STRIP1: variants seen among roughly 807,000 people sequenced by gnomAD.
STRIP1 encodes the protein striatin-interacting protein 1.
A neutral mutation model predicts 106.2 loss-of-function variants in STRIP1; 63 were observed. The observed-to-expected ratio is 0.59, with a 90% CI of 0.48 to 0.73. The LOEUF (loss-of-function observed/expected upper bound fraction) is 0.73. Ranked by LOEUF, STRIP1 falls within the 30% of genes least tolerant of loss-of-function variation. STRIP1 has a pLI of 0.00. For missense variants in STRIP1, 857 were observed against 1,074.8 expected, an observed-to-expected ratio of 0.80 and a Z score of 2.83; for synonymous variants, 390 against 413.0, an observed-to-expected ratio of 0.94 and a Z score of 0.67.
At chr1:110,050,002 G>A (rs779762953) in intron 17 of STRIP1, 11 of 374,390 alleles carry the variant, frequency 2.9e-5, no homozygotes, top group African/African-American at 8.3e-5. Flanking sequence ...ACAGGGCGCC[G>A]GCCAGACCCT....
upstream of STRIP1, chr1:110,031,765 A>C (rs924053937): frequency 2.6e-5 from 4 of 152,168 alleles, no homozygotes; most frequent in African/African-American, 9.7e-5. Flanking sequence ...AAGTTAGAGT[A>C]GTGAGCTCTC....
At chr1:110,049,659 C>A in intron 17 of STRIP1, 99 bp downstream of exon 17, 1 of 802,958 alleles carries the variant, frequency 1.2e-6, no homozygotes, top group Non-Finnish European at 2.1e-6. Context: ...CACCTACGAG[C>A]CAGCACTGTG....
At position 110,049,032 on chromosome 1, in the gene STRIP1, C is replaced by T. The variant is rs184292409; in HGVS notation, c.1662-80C>T. On this transcript the variant is annotated intron_variant, in intron 15 of 20. Transcript: ENST00000369795. ...TAGGAGTCTTTGCCCAGGGAGGCTC[C>T]GGAGTCCATCTTTTCTGTGGGCACC... 2.6e-3 allele frequency: 4,069 copies of T among 1,565,140 alleles called. 81 individuals carry two copies. Among genetic ancestry groups the T allele is most frequent in the East Asian group, 8.7e-3 (385 of 44,334 alleles).
rs1003970651 is a variant in STRIP1, at chr1:110,046,618, G to A, written c.1417-62G>A. The stretch of plus-strand genomic sequence containing the variant: ...ACAAATGTGTGGGGATTTTGCTAGA[G>A]TGCAGGGAGTTTGGCCAGAGAATGT... On this transcript the variant is annotated intron_variant, in intron 12 of 20. Transcript: ENST00000369795. 3.9e-5 allele frequency: 57 copies of A among 1,457,970 alleles called. No individual in the cohort carries two copies. The Admixed American group carries it at 9.5e-4, about 24-fold the overall frequency. 90.3% of individuals were successfully genotyped at this position (1,457,970 alleles called of 1,614,324 possible).
rs970363419 is a variant in STRIP1 at position 110,050,952 on chromosome 1, G to A, written c.1957-4G>A. 8 of 1,569,768 alleles carry A rather than the reference G, an allele frequency of 5.1e-6. No individual in the cohort carries two copies. The highest frequency in any genetic ancestry group is 7.0e-6 in the Non-Finnish European group (8 of 1,139,534). On this transcript the variant is annotated splice_polypyrimidine_tract_variant and splice_region_variant and intron_variant, in intron 18 of 20. Transcript: ENST00000369795. ...GGCTGATTGTTCCTGGGTTTACCCT[G>A]CAGGAAGCAGGTGACAGTAACCAAT...
At chr1:110,053,052 G>A (rs1653376254) in intron 20 of STRIP1, among the ~76,000 whole-genome samples, 1 of 152,160 alleles carries the variant, frequency 6.6e-6, no homozygotes, top group Admixed American at 6.5e-5. Flanking sequence ...GTTACGGGCT[G>A]TCAGTCCAGC....
chr1:110,044,951 T>C, intron 11 of STRIP1, 46 bp downstream of exon 11: 1 of 1,613,626 alleles, frequency 6.2e-7, no homozygotes, highest in Non-Finnish European at 8.5e-7. Flanking sequence ...TCCCGGCCTT[T>C]GGTGTTTGGG....
intron 17 of STRIP1, 156 bp downstream of exon 17, chr1:110,049,716 G>T: frequency 1.7e-6 from 1 of 603,674 alleles, no homozygotes; most frequent in East Asian, 2.8e-5. Flanking sequence ...CTCTGCCTGT[G>T]GAGAGCCCAC....
intron 2 of STRIP1, 101 bp downstream of exon 2, chr1:110,038,061 A>G: frequency 2.9e-6 from 1 of 342,662 alleles, no homozygotes. Flanking sequence ...TGCTTTCCCT[A>G]GTTCTATCAA....
Position 110,053,955 on chromosome 1 carries a change from G to A in STRIP1, c.*43G>A. Reference sequence around the variant, plus strand: ...CTGAAATGGAGAGAAAAGATGATCTGAAGGTACCTGTGGGACTGTCCTAGT... The same window carrying A: ...CTGAAATGGAGAGAAAAGATGATCTAAAGGTACCTGTGGGACTGTCCTAGT... On this transcript the variant is annotated 3_prime_UTR_variant, in exon 21 of 21. Coordinates refer to ENST00000369795, the MANE Select transcript of STRIP1 (RefSeq NM_033088.4). The A allele has an allele frequency of 6.2e-7, 1 of 1,608,176 alleles. No homozygotes were observed. The highest frequency in any genetic ancestry group is 1.1e-5 in the South Asian group (1 of 90,444).
chr1:110,046,607 A>T (rs112345570), intron 12 of STRIP1, 73 bp from the exon 13 acceptor site: 21,654 of 1,338,184 alleles, frequency 0.016, 621 homozygotes, highest in African/African-American at 0.11. Context: ...ATGTGTGGGG[A>T]TTTTGCTAGA....
chr1:110,041,289 C>A (rs1459208592), intron 6 of STRIP1: 2 of 366,518 alleles, frequency 5.5e-6, no homozygotes, highest in African/African-American at 2.1e-5. Context: ...TCATCATAAA[C>A]CCTGTTTTTG....
chr1:110,049,307 A>G (rs1653177658), intron 16 of STRIP1, 69 bp downstream of exon 16: 1 of 1,608,930 alleles, frequency 6.2e-7, no homozygotes, highest in African/African-American at 1.3e-5. Flanking sequence ...TCCAGCCCAC[A>G]AGAACGGGGG....
chr1:110,047,937 C>A, intron 15 of STRIP1, 68 bp downstream of exon 15: 1 of 1,362,886 alleles, frequency 7.3e-7, no homozygotes, highest in Non-Finnish European at 1.0e-6. Context: ...ACATTTTCCT[C>A]TTGTCAGGTT....
chr1:110,032,400 G>A (rs923115975), upstream of STRIP1, among the ~76,000 whole-genome samples: 3 of 152,172 alleles, frequency 2.0e-5, no homozygotes, highest in Non-Finnish European at 4.4e-5. Context: ...GGACTTTCTG[G>A]ACTTGAGCCT....
At position 110,051,584 on chromosome 1, in the gene STRIP1, C is replaced by T; in HGVS notation, c.2062-99C>T. 1.0e-5 allele frequency: 13 copies of T among 1,239,458 alleles called. 1 individual carries two copies. In the South Asian group the frequency reaches 1.8e-4, roughly 17 times the overall value. 76.8% of individuals were successfully genotyped at this position (1,239,458 alleles called of 1,614,324 possible). ...AGGGAAACTGGGATGGTTTGTCACC[C>T]TGACAGTAACTTCCAAAGGGTTAAG... On this transcript the variant is annotated intron_variant, in intron 19 of 20. Transcript: ENST00000369795.
At chr1:110,049,655 C>G in intron 17 of STRIP1, 95 bp downstream of exon 17, 4 of 824,964 alleles carry the variant, frequency 4.8e-6, no homozygotes, top group Non-Finnish European at 8.0e-6. Flanking sequence ...CCAGCACCTA[C>G]GAGCCAGCAC....
chr1:110,046,563 T>C, intron 12 of STRIP1, 117 bp from the exon 13 acceptor site: 2 of 883,510 alleles, frequency 2.3e-6, no homozygotes, highest in South Asian at 2.7e-5. Flanking sequence ...TGTGGTGACT[T>C]AATCCTCTTT....
intron 7 of STRIP1, 34 bp from the exon 8 acceptor site, chr1:110,041,700 T>TG (rs763069737): frequency 1.2e-6 from 2 of 1,614,162 alleles, no homozygotes; most frequent in South Asian, 1.1e-5. Context: ...CGGAAGGCTT[T>TG]GGGAGGGTCC....
Sources: gnomAD v4.1 joint callset for allele counts (sites outside exome capture counted in the v4.1 genomes callset) on GRCh38, gnomAD v4.1.1 for gene constraint, MANE v1.5 for transcripts, NCBI Gene and HGNC (gene_info 2026-07-23, HGNC 2026-07-21) for gene names.